Variants in KLHL4 observed in about 807,000 individuals in gnomAD.
KLHL4 encodes kelch-like protein 4.
In KLHL4, 17 loss-of-function variants were observed where a neutral mutation model predicts 45.8. The ratio of observed to expected loss-of-function variants is 0.37; its 90% CI spans 0.25 to 0.56. The LOEUF (loss-of-function observed/expected upper bound fraction) is 0.56. KLHL4 is among the 20% of genes least tolerant of loss of function. The pLI, the probability that KLHL4 is intolerant of heterozygous loss-of-function variation, is 0.79. For missense variants in KLHL4, 544 were observed against 544.9 expected, an observed-to-expected ratio of 1.00 and a Z score of 0.02; for synonymous variants, 224 against 189.9, an observed-to-expected ratio of 1.18 and a Z score of -1.47.
At chrX:87,592,617 C>T (rs1277354681) in intron 1 of KLHL4, among the ~76,000 whole-genome samples, 7 of 111,267 alleles carry the variant, frequency 6.3e-5, no homozygotes, top group Admixed American at 1.9e-4. Flanking sequence ...ATGATTTTGA[C>T]GTTACATGTC....
chrX:87,596,271 A>G (rs1921837220), intron 1 of KLHL4, among the ~76,000 whole-genome samples: 2 of 112,372 alleles, frequency 1.8e-5, no homozygotes, highest in Admixed American at 1.9e-4. Context: ...TAGCAAAGTG[A>G]GAATGGACTA....
intron 1 of KLHL4, among the ~76,000 whole-genome samples, chrX:87,526,824 T>C (rs765509870): frequency 1.2e-4 from 13 of 111,637 alleles, no homozygotes; most frequent in Non-Finnish European, 2.1e-4. Context: ...ATGGAGGCTC[T>C]TAAAAGACAA....
intron 9 of KLHL4, among the ~76,000 whole-genome samples, chrX:87,652,015 C>A (rs1923831442): frequency 8.9e-6 from 1 of 112,580 alleles, no homozygotes. Flanking sequence ...CAGAGGTTCC[C>A]AAACCCCAAT....
intron 9 of KLHL4, among the ~76,000 whole-genome samples, chrX:87,636,858 A>G (rs1175980861): frequency 9.1e-6 from 1 of 109,956 alleles, no homozygotes; most frequent in Non-Finnish European, 1.9e-5. Flanking sequence ...GACATGCCTA[A>G]CCCTGCCCCC....
chrX:87,656,862 CA>C (rs1241355573), intron 9 of KLHL4, among the ~76,000 whole-genome samples: 5 of 111,763 alleles, frequency 4.5e-5, no homozygotes, highest in African/African-American at 1.6e-4. Context: ...TTGGATGAGA[CA>C]TTTTTTTCCC....
chrX:87,616,097 G>A (rs1922546993), intron 3 of KLHL4, among the ~76,000 whole-genome samples: 1 of 111,184 alleles, frequency 9.0e-6, no homozygotes, highest in Non-Finnish European at 1.9e-5. Flanking sequence ...TTTATGAGGT[G>A]AGAAAAAAGA....
At chrX:87,519,443 A>C (rs1930959540) in intron 1 of KLHL4, among the ~76,000 whole-genome samples, 1 of 112,143 alleles carries the variant, frequency 8.9e-6, no homozygotes, top group Non-Finnish European at 1.9e-5. Context: ...TCAGAAGAAG[A>C]AGCAGCCTAA....
chrX:87,617,996 G>A lies in KLHL4; in HGVS notation c.792G>A (p.Leu264=). ...SLLAAACLLQ[L]TQVIDVCSNF... ...TGGCTGCAGCTTGTCTTCTGCAGCT[G>A]ACTCAGGTCATTGATGTTTGCTCCA... is the stretch of plus-strand genomic sequence containing the variant. Residue 264 remains leucine, a synonymous_variant, in exon 4 of 11, where the codon CTG becomes CTA. Coordinates refer to ENST00000373119, the MANE Select transcript of KLHL4 (RefSeq NM_019117.5). 5.8e-6 allele frequency: 7 copies of A among 1,210,670 alleles called. No homozygotes were observed. Among genetic ancestry groups the A allele is most frequent in the Admixed American group, 4.4e-5 (2 of 45,929 alleles).
intron 4 of KLHL4, among the ~76,000 whole-genome samples, chrX:87,621,681 A>G (rs917416774): frequency 9.0e-6 from 1 of 111,714 alleles, no homozygotes; most frequent in South Asian, 3.7e-4. Flanking sequence ...CTCTTGGTCA[A>G]TAGAAGATCA....
At chrX:87,642,756 C>G (rs1330858644) in intron 9 of KLHL4, among the ~76,000 whole-genome samples, 1 of 111,779 alleles carries the variant, frequency 8.9e-6, no homozygotes, top group Non-Finnish European at 1.9e-5. Flanking sequence ...ATGTGAAATG[C>G]CCTGGAAAGT....
chrX:87,552,694 TA>T (rs1931859196), intron 1 of KLHL4, among the ~76,000 whole-genome samples: 1 of 26,693 alleles, frequency 3.7e-5, no homozygotes, highest in Non-Finnish European at 5.6e-5. Flanking sequence ...ACTGTTAAAT[TA>T]TATATATATA....
intron 5 of KLHL4, 141 bp from the exon 6 acceptor site, chrX:87,625,469 G>A (rs995245716): frequency 1.9e-5 from 8 of 415,409 alleles, no homozygotes; most frequent in Admixed American, 1.0e-4. Flanking sequence ...GAGCTCCAGC[G>A]TTCTACACAC....
chrX:87,640,034 CA>C (rs1044104091), intron 9 of KLHL4, among the ~76,000 whole-genome samples: 6 of 110,838 alleles, frequency 5.4e-5, no homozygotes, highest in African/African-American at 2.0e-4. Flanking sequence ...CTCAGAAACA[CA>C]AAAGATCATT....
rs756163849 is a variant in KLHL4, at chrX:87,585,822, A to G, written c.423-28055A>G. Among the ~76,000 whole-genome samples, 96 of 111,169 alleles carry G rather than the reference A, an allele frequency of 8.6e-4. 1 individual carries two copies. Among genetic ancestry groups the G allele is most frequent in the African/African-American group, 3.1e-3 (94 of 30,680 alleles). ...GGACTAAATGATCCAATCAAAAGAC[A>G]TAGACTGGCTGAATGAATAAAAAAG... On this transcript the variant is annotated intron_variant, in intron 1 of 10. Transcript: ENST00000373119.
intron 9 of KLHL4, among the ~76,000 whole-genome samples, chrX:87,647,416 CA>C (rs372166584): frequency 5.4e-5 from 6 of 111,678 alleles, no homozygotes; most frequent in Non-Finnish European, 1.9e-5. Context: ...AGTAATTATA[CA>C]AAAAAGATAC....
chrX:87,525,570 ACTAT>A (rs1414530618), intron 1 of KLHL4, among the ~76,000 whole-genome samples: 3 of 111,607 alleles, frequency 2.7e-5, no homozygotes, highest in Admixed American at 9.6e-5. Context: ...ACTAAAAATA[ACTAT>A]CTAAGAAAAG....
intron 4 of KLHL4, among the ~76,000 whole-genome samples, chrX:87,620,252 G>A (rs1022450214): frequency 9.0e-5 from 10 of 111,707 alleles, no homozygotes; most frequent in Non-Finnish European, 1.5e-4. Context: ...AGACTCCCTT[G>A]GAAGTTGCAT....
intron 1 of KLHL4, among the ~76,000 whole-genome samples, chrX:87,597,892 T>G (rs1921889549): frequency 9.0e-6 from 1 of 111,037 alleles, no homozygotes; most frequent in Non-Finnish European, 1.9e-5. Flanking sequence ...CATGTTCTAG[T>G]AATTGGATAT....
intron 9 of KLHL4, among the ~76,000 whole-genome samples, chrX:87,648,592 T>C (rs958072921): frequency 3.6e-5 from 4 of 111,192 alleles, no homozygotes; most frequent in African/African-American, 1.3e-4. Context: ...TTGGAAGAAA[T>C]TGGTCAAACA....
Sources: gnomAD v4.1 joint callset for allele counts (sites outside exome capture counted in the v4.1 genomes callset) on GRCh38, gnomAD v4.1.1 for gene constraint, MANE v1.5 for transcripts, NCBI Gene and HGNC (gene_info 2026-07-23, HGNC 2026-07-21) for gene names.